Variants in DNAJC1 observed in about 807,000 individuals in gnomAD.
DNAJC1 encodes DnaJ heat shock protein family (Hsp40) member C1, also known as dnaJ homolog subfamily C member 1.
A neutral mutation model predicts 76.6 loss-of-function variants in DNAJC1; 58 were observed. The observed-to-expected ratio is 0.76, with a 90% CI of 0.61 to 0.94. The LOEUF is 0.94. Ranked by LOEUF, DNAJC1 falls within the 40% of genes least tolerant of loss-of-function variation. DNAJC1 has a pLI of 0.00. For synonymous variants in DNAJC1, 258 were observed against 267.9 expected (o/e 0.96, Z 0.36); for missense variants, 689 against 677.3 (o/e 1.02, Z -0.19).
chr10:21,806,389 C>A (rs1329223749), intron 8 of DNAJC1, among the ~76,000 whole-genome samples: 1 of 151,952 alleles, frequency 6.6e-6, no homozygotes, highest in Non-Finnish European at 1.5e-5. Context: ...TTAAAAAAGA[C>A]CATTCAGCTT....
intron 7 of DNAJC1, among the ~76,000 whole-genome samples, chr10:21,901,216 G>C (rs954615441): frequency 4.6e-5 from 7 of 152,120 alleles, no homozygotes; most frequent in African/African-American, 1.4e-4. Flanking sequence ...TTCTGGTTTT[G>C]TTTTAAAATC....
chr10:21,801,627 C>T (rs937996224), intron 9 of DNAJC1, among the ~76,000 whole-genome samples: 1 of 152,104 alleles, frequency 6.6e-6, no homozygotes, highest in African/African-American at 2.4e-5. Context: ...CTCAGCAATC[C>T]TATTACTGGA....
At chr10:21,909,660 TG>T (rs1260517076) in intron 6 of DNAJC1, among the ~76,000 whole-genome samples, 2 of 152,176 alleles carry the variant, frequency 1.3e-5, no homozygotes, top group African/African-American at 2.4e-5. Flanking sequence ...TAAGATTAGG[TG>T]GGGTCAGAAG....
At chr10:21,886,212 C>T (rs1372451728) in intron 7 of DNAJC1, among the ~76,000 whole-genome samples, 1 of 152,040 alleles carries the variant, frequency 6.6e-6, no homozygotes, top group Non-Finnish European at 1.5e-5. Flanking sequence ...CCTCTATGCA[C>T]ACAAACTAGA....
At chr10:21,902,681 A>C (rs1836678392) in intron 7 of DNAJC1, among the ~76,000 whole-genome samples, 1 of 152,208 alleles carries the variant, frequency 6.6e-6, no homozygotes, top group Non-Finnish European at 1.5e-5. Context: ...CAATTTTGGA[A>C]AAATAGTTAA....
intron 3 of DNAJC1, among the ~76,000 whole-genome samples, chr10:21,928,219 A>G (rs1294115202): frequency 3.9e-5 from 6 of 152,174 alleles, no homozygotes; most frequent in African/African-American, 1.2e-4. Context: ...CAGTATTTGT[A>G]TCTCCCAGGG....
intron 8 of DNAJC1, 128 bp downstream of exon 8, chr10:21,882,153 CA>C: frequency 1.1e-6 from 1 of 917,462 alleles, no homozygotes; most frequent in Non-Finnish European, 1.5e-6. Context: ...GACTCTGTCT[CA>C]AACAAAACAA....
chr10:21,821,649 A>G lies in DNAJC1; in HGVS notation c.979-15550T>C, dbSNP rs931522168. 3.9e-5 allele frequency among the ~76,000 whole-genome samples: 6 copies of G among 152,192 alleles called. No individual in the cohort carries two copies. The East Asian group carries it at 7.7e-4, about 20-fold the overall frequency. ...ACAAGTGAGAAATGACAATAATTAT[A>G]TATTTCTCCTAGGATTCATGATACT... On this transcript the variant is annotated intron_variant, in intron 8 of 11. Coordinates refer to ENST00000376980, the MANE Select transcript of DNAJC1 (RefSeq NM_022365.4).
At chr10:21,862,626 G>A (rs577083770) in intron 8 of DNAJC1, among the ~76,000 whole-genome samples, 5 of 151,230 alleles carry the variant, frequency 3.3e-5, no homozygotes, top group African/African-American at 9.7e-5. Flanking sequence ...ACAGGGTTTC[G>A]CTATGTTGGC....
intron 1 of DNAJC1, among the ~76,000 whole-genome samples, chr10:21,974,309 G>A (rs893780063): frequency 3.3e-5 from 5 of 152,172 alleles, no homozygotes; most frequent in East Asian, 1.9e-4. Flanking sequence ...GTCAAATACC[G>A]ATTAGGGTAT....
chr10:21,794,603 A>C (rs1009630298), intron 9 of DNAJC1, among the ~76,000 whole-genome samples: 1 of 152,126 alleles, frequency 6.6e-6, no homozygotes, highest in African/African-American at 2.4e-5. Context: ...GTAATATCTA[A>C]AACTATAAAA....
At chr10:21,761,882 A>G (rs1431938857) in intron 10 of DNAJC1, among the ~76,000 whole-genome samples, 3 of 152,230 alleles carry the variant, frequency 2.0e-5, no homozygotes, top group Non-Finnish European at 2.9e-5. Context: ...AACCCCATCA[A>G]TAAAACATCT....
chr10:21,992,177 G>A (rs192560688), intron 1 of DNAJC1, among the ~76,000 whole-genome samples: 166 of 152,280 alleles, frequency 1.1e-3, no homozygotes, highest in African/African-American at 3.9e-3. Context: ...TGGGTGTGGT[G>A]GCATGTGCCC....
rs547433766 is a variant in DNAJC1 at position 21,837,353 on chromosome 10, C to T, written c.979-31254G>A. 2.4e-4 allele frequency among the ~76,000 whole-genome samples: 37 copies of T among 152,234 alleles called. 1 individual carries two copies. The highest frequency in any genetic ancestry group is 4.1e-4 in the South Asian group (2 of 4,822). ...GCCACCCCGTCTGAGAAGTGAGAAG[C>T]GTCTCTGCCTGGCCGCCCATCGTCT... On this transcript the variant is annotated intron_variant, in intron 8 of 11. Transcript: ENST00000376980.
intron 1 of DNAJC1, among the ~76,000 whole-genome samples, chr10:21,964,198 C>T (rs964805462): frequency 4.6e-5 from 7 of 152,084 alleles, no homozygotes; most frequent in African/African-American, 1.7e-4. Context: ...TATACCATTG[C>T]TACCCCAAAT....
At chr10:21,955,784 T>C (rs766197407) in intron 1 of DNAJC1, among the ~76,000 whole-genome samples, 9 of 152,202 alleles carry the variant, frequency 5.9e-5, no homozygotes, top group Non-Finnish European at 1.0e-4. Flanking sequence ...TCCATATGCT[T>C]ACGCTTATAA....
chr10:21,803,629 ATG>A (rs369489273), intron 9 of DNAJC1, among the ~76,000 whole-genome samples: 16 of 130,830 alleles, frequency 1.2e-4, no homozygotes, highest in Middle Eastern at 7.7e-3. Context: ...GTGTGTATGT[ATG>A]TGTGTGTGTG....
intron 9 of DNAJC1, among the ~76,000 whole-genome samples, chr10:21,775,098 T>C (rs1242466498): frequency 6.6e-6 from 1 of 152,188 alleles, no homozygotes; most frequent in African/African-American, 2.4e-5. Flanking sequence ...CTTCAGATCA[T>C]TATTGTCAAA....
At chr10:21,763,674 T>G (rs1834265860) in intron 10 of DNAJC1, among the ~76,000 whole-genome samples, 2 of 152,148 alleles carry the variant, frequency 1.3e-5, no homozygotes, top group African/African-American at 4.8e-5. Context: ...AAAAGTACTT[T>G]GTCAAAATAC....
Sources: gnomAD v4.1 joint callset for allele counts (sites outside exome capture counted in the v4.1 genomes callset) on GRCh38, gnomAD v4.1.1 for gene constraint, MANE v1.5 for transcripts, NCBI Gene and HGNC (gene_info 2026-07-23, HGNC 2026-07-21) for gene names.